Variants in WASHC2C observed in about 807,000 individuals in gnomAD.
The protein encoded by WASHC2C is WASH complex subunit 2C.
Under a neutral mutation model 142.2 loss-of-function variants are expected in WASHC2C, and 73 were observed. The ratio of observed to expected loss-of-function variants is 0.51; its 90% CI spans 0.43 to 0.62. The LOEUF (loss-of-function observed/expected upper bound fraction) is 0.62. Among genes scored for constraint, WASHC2C ranks in the 20% least tolerant of loss-of-function variants. The pLI, the probability that WASHC2C is intolerant of heterozygous loss-of-function variation, is 0.00. For missense variants in WASHC2C, 969 were observed against 1,531.7 expected (o/e 0.63, Z 6.13); for synonymous variants, 337 against 565.5 (o/e 0.60, Z 5.73).
At chr10:45,759,743 C>T (rs1406020455) in intron 17 of WASHC2C, among the ~76,000 whole-genome samples, 7 of 151,568 alleles carry the variant, frequency 4.6e-5, no homozygotes, top group African/African-American at 1.2e-4. Flanking sequence ...CACTTGAACC[C>T]GGGAGGCAGA....
At chr10:45,771,364 C>CAAA (rs58095251) in intron 20 of WASHC2C, among the ~76,000 whole-genome samples, 60 of 40,170 alleles carry the variant, frequency 1.5e-3, no homozygotes, top group African/African-American at 3.6e-3. Flanking sequence ...GACTCCATCT[C>CAAA]AAAAAAAAAA....
Position 45,786,923 on chromosome 10 carries a change from C to G in WASHC2C, c.2875-112C>G, listed in dbSNP as rs184959968. On this transcript the variant is annotated intron_variant, in intron 27 of 30. Coordinates refer to ENST00000623400, the MANE Select transcript of WASHC2C (RefSeq NM_001330074.2). ...GATTGGGCGATTTTCCTACGTTTCT[C>G]TACTCCTCTCGTATTATACATTATG... 248 of 1,610,234 alleles carry G rather than the reference C, an allele frequency of 1.5e-4. No individual in the cohort carries two copies. The Middle Eastern group carries it at 1.8e-3, about 12-fold the overall frequency.
At chr10:45,775,149 A>AT (rs1165564406) in intron 21 of WASHC2C, among the ~76,000 whole-genome samples, 6 of 142,550 alleles carry the variant, frequency 4.2e-5, no homozygotes, top group East Asian at 2.1e-4. Flanking sequence ...ATTTTAGACA[A>AT]TTTTTTTTTC....
rs575167227 is a variant in WASHC2C at position 45,729,638 on chromosome 10, G to C, written c.291+612G>C. Among the ~76,000 whole-genome samples, 201 of 151,344 alleles carry C rather than the reference G, an allele frequency of 1.3e-3. 1 individual carries two copies. The highest frequency in any genetic ancestry group is 6.8e-3 in the Middle Eastern group (2 of 294). On this transcript the variant is annotated intron_variant, in intron 3 of 30. Transcript: ENST00000623400. ...AATAGTATAATTCCAGCATACAAAGGAAGTAAGTATGGCTGGAGCAGAGTG... is the reference window on the plus strand; with the variant it reads ...AATAGTATAATTCCAGCATACAAAGCAAGTAAGTATGGCTGGAGCAGAGTG...
chr10:45,731,233 T>C (rs1238254643), intron 3 of WASHC2C, among the ~76,000 whole-genome samples: 4 of 147,370 alleles, frequency 2.7e-5, no homozygotes, highest in South Asian at 2.1e-4. Flanking sequence ...TTTTTTTTTT[T>C]CTTCCGAGAC....
At chr10:45,787,782 G>C (rs1404924348) in intron 28 of WASHC2C, among the ~76,000 whole-genome samples, 1 of 152,170 alleles carries the variant, frequency 6.6e-6, no homozygotes, top group African/African-American at 2.4e-5. Context: ...TCCTCACCAG[G>C]AATGCCCCTC....
chr10:45,789,029 G>A lies in WASHC2C; in HGVS notation c.3246G>A (p.Gln1082=). ...TTTCCCCAAATGGCCATCGGCCACA[G>A]CTCAGAGCAGCCAGTGGAGAAGACA... The part of the protein sequence containing the change: ...GAISPNGHRP[Q]LRAASGEDST... The change falls in exon 29 of 31, where the codon CAG becomes CAA. Residue 1082 remains glutamine (Q), a synonymous_variant. Transcript: ENST00000623400. The A allele has an allele frequency of 6.2e-7, 1 of 1,612,052 alleles. No homozygotes were observed. The highest frequency in any genetic ancestry group is 8.5e-7 in the Non-Finnish European group (1 of 1,179,850).
In WASHC2C at chr10:45,750,156, T is replaced by G; in HGVS notation, c.793T>G (p.Ser265Ala). 1 of 1,611,586 alleles carries G rather than the reference T, an allele frequency of 6.2e-7. No individual in the cohort carries two copies. Among genetic ancestry groups the G allele is most frequent in the Non-Finnish European group, 8.5e-7 (1 of 1,179,770 alleles). Residue 265 changes from serine to alanine, a missense_variant, in exon 9 of 31, where the codon TCT (serine) becomes GCT (alanine). Coordinates refer to ENST00000623400, the MANE Select transcript of WASHC2C (RefSeq NM_001330074.2). Reference sequence around the variant, plus strand: ...TGATGGCTGTGACCTTTTTGCTGACTCTGAGAAGGAGGAGGAAGATATTGA... The same window carrying G: ...TGATGGCTGTGACCTTTTTGCTGACGCTGAGAAGGAGGAGGAAGATATTGA... ...DDDGCDLFAD[S>A]EKEEEDIEDI...
chr10:45,727,464 C>T lies in WASHC2C; in HGVS notation c.51C>T (p.Pro17=), dbSNP rs2049991129. ...AGGAGCTGGTGCCGGCGTCGGAGCCCGTGTGGGAGCGGCCGTGGTCGGTGG... is the reference window on the plus strand; with the variant it reads ...AGGAGCTGGTGCCGGCGTCGGAGCCTGTGTGGGAGCGGCCGTGGTCGGTGG... ...PDQELVPASE[P]VWERPWSVEE... Residue 17 remains proline, a synonymous_variant, in exon 2 of 31, where the codon CCC becomes CCT. Transcript: ENST00000623400. 5 of 1,610,138 alleles carry T rather than the reference C, an allele frequency of 3.1e-6. No individual in the cohort carries two copies. The highest frequency in any genetic ancestry group is 2.1e-4 in the Middle Eastern group (1 of 4,726).
At chr10:45,784,289 T>TATATATACAC (rs1333007505) in intron 23 of WASHC2C, among the ~76,000 whole-genome samples, 5 of 17,718 alleles carry the variant, frequency 2.8e-4, no homozygotes, top group African/African-American at 6.3e-4. Context: ...TATATATATA[T>TATATATACAC]ACACATATAT....
Position 45,784,293 on chromosome 10 carries a change from CATATATATATATATATAT to C in WASHC2C, c.2479-270_2479-253del, listed in dbSNP as rs1286811903. Among the ~76,000 whole-genome samples the C allele has an allele frequency of 4.9e-3, 312 of 63,594 alleles. 9 individuals carry two copies. The highest frequency in any genetic ancestry group is 0.014 in the African/African-American group (271 of 19,538). 41.7% of individuals were successfully genotyped at this position (63,594 alleles called of 152,430 possible). A position where few individuals can be genotyped will look rare whatever the true frequency, so the allele number is the denominator to read the frequency against. On this transcript the variant is annotated intron_variant, in intron 23 of 30. Coordinates refer to ENST00000623400, the MANE Select transcript of WASHC2C (RefSeq NM_001330074.2). The stretch of plus-strand genomic sequence containing the variant: ...ATATATATATATATATATATATACA[CATATATATATATATATAT>C]ACACACACATATATATATATATGTA...
chr10:45,768,964 A>G (rs2056272114), intron 19 of WASHC2C, among the ~76,000 whole-genome samples: 1 of 152,090 alleles, frequency 6.6e-6, no homozygotes, highest in Non-Finnish European at 1.5e-5. Flanking sequence ...CAGAGAGCCC[A>G]GCTGTCTAGA....
At chr10:45,749,333 G>A (rs1370050478) in intron 8 of WASHC2C, among the ~76,000 whole-genome samples, 1 of 151,220 alleles carries the variant, frequency 6.6e-6, no homozygotes, top group Non-Finnish European at 1.5e-5. Flanking sequence ...TACTCAGAGG[G>A]CTGAGGCAGG....
chr10:45,776,305 A>G (rs2057076719), intron 21 of WASHC2C, among the ~76,000 whole-genome samples: 1 of 152,292 alleles, frequency 6.6e-6, no homozygotes, highest in Non-Finnish European at 1.5e-5. Context: ...TATCTGTACT[A>G]TACTATAATA....
intron 8 of WASHC2C, among the ~76,000 whole-genome samples, chr10:45,746,855 G>T (rs1350662041): frequency 6.6e-6 from 1 of 151,844 alleles, no homozygotes; most frequent in Admixed American, 6.6e-5. Flanking sequence ...ATTTTTCTTA[G>T]AAAAGAAGTT....
At chr10:45,784,238 ATATGTG>A (rs1434678031) in intron 23 of WASHC2C, among the ~76,000 whole-genome samples, 3 of 58,240 alleles carry the variant, frequency 5.2e-5, no homozygotes, top group East Asian at 1.1e-3. Flanking sequence ...ATATATATAT[ATATGTG>A]TGTGTGTGTA....
At position 45,788,875 on chromosome 10, in the gene WASHC2C, G is replaced by A. The variant is rs2058236320; in HGVS notation, c.3092G>A (p.Arg1031His). ...ADTLHSANKS[R>H]VKMRGKRRPQ... ...TATGTTTTTTTGCCGTTGCAGAGCC[G>A]TGTCAAGATGAGAGGGAAGCGTAGA... Residue 1031 changes from arginine to histidine, a missense_variant, in exon 29 of 31, where the codon CGT (arginine) becomes CAT (histidine). Transcript: ENST00000623400. 4.3e-6 allele frequency: 7 copies of A among 1,612,050 alleles called. No individual in the cohort carries two copies. The highest frequency in any genetic ancestry group is 2.7e-5 in the African/African-American group (2 of 74,990).
At chr10:45,770,852 A>G (rs1749974571) in intron 20 of WASHC2C, among the ~76,000 whole-genome samples, 1 of 152,182 alleles carries the variant, frequency 6.6e-6, no homozygotes. Flanking sequence ...CAAAAATAAA[A>G]ACAGCATTTC....
intron 17 of WASHC2C, 52 bp from the exon 18 acceptor site, chr10:45,763,336 T>C: frequency 1.6e-6 from 1 of 618,168 alleles, no homozygotes; most frequent in South Asian, 2.0e-5. Context: ...TGACCTGATA[T>C]TTTAAAAACT....
Sources: gnomAD v4.1 joint callset for allele counts (sites outside exome capture counted in the v4.1 genomes callset) on GRCh38, gnomAD v4.1.1 for gene constraint, MANE v1.5 for transcripts, NCBI Gene and HGNC (gene_info 2026-07-23, HGNC 2026-07-21) for gene names.